Variants in LRMDA observed in about 807,000 individuals in gnomAD.
LRMDA encodes leucine rich melanocyte differentiation associated, also known as leucine-rich melanocyte differentiation-associated protein.
In LRMDA, 18 loss-of-function variants were observed where a neutral mutation model predicts 29.8. The ratio of observed to expected loss-of-function variants is 0.60; its 90% CI spans 0.42 to 0.90. The LOEUF is 0.90. Ranked by LOEUF, LRMDA falls within the 40% of genes least tolerant of loss-of-function variation. LRMDA has a pLI of 0.00. For missense variants in LRMDA, 273 were observed against 273.9 expected, an observed-to-expected ratio of 1.00 and a Z score of 0.02; for synonymous variants, 125 against 109.4, an observed-to-expected ratio of 1.14 and a Z score of -0.89.
intron 5 of LRMDA, among the ~76,000 whole-genome samples, chr10:76,187,244 A>G (rs1190217205): frequency 2.6e-5 from 4 of 152,170 alleles, no homozygotes; most frequent in Non-Finnish European, 4.4e-5. Context: ...GTCTTGTTCT[A>G]AGAAAATCAT....
intron 2 of LRMDA, among the ~76,000 whole-genome samples, chr10:75,838,434 A>C (rs888190249): frequency 6.6e-6 from 1 of 152,216 alleles, no homozygotes; most frequent in South Asian, 2.1e-4. Flanking sequence ...CAATCACTTG[A>C]AAATAAATTC....
At chr10:75,456,868 G>A (rs899833393) in intron 2 of LRMDA, among the ~76,000 whole-genome samples, 1 of 152,058 alleles carries the variant, frequency 6.6e-6, no homozygotes. Flanking sequence ...GAGAGTCAGG[G>A]TTTCACCATT....
At chr10:75,726,244 G>A (rs1354995223) in intron 2 of LRMDA, among the ~76,000 whole-genome samples, 1 of 152,166 alleles carries the variant, frequency 6.6e-6, no homozygotes, top group Admixed American at 6.5e-5. Context: ...GGAGAAGAAC[G>A]AAAGTTGCAG....
chr10:76,175,272 GA>G (rs1399368800), intron 5 of LRMDA, among the ~76,000 whole-genome samples: 1 of 152,158 alleles, frequency 6.6e-6, no homozygotes. Context: ...TCTGGATGAG[GA>G]TAGCTTGGAT....
chr10:75,773,560 T>G (rs1843271571), intron 2 of LRMDA, among the ~76,000 whole-genome samples: 1 of 152,222 alleles, frequency 6.6e-6, no homozygotes, highest in Admixed American at 6.5e-5. Context: ...GGGAGACAGA[T>G]GAATGATGAA....
chr10:75,528,960 G>T (rs746588311), intron 2 of LRMDA, among the ~76,000 whole-genome samples: 2 of 152,068 alleles, frequency 1.3e-5, no homozygotes, highest in African/African-American at 4.8e-5. Context: ...TGTACAGGAG[G>T]CAATTTTCTT....
At chr10:75,879,949 A>T (rs1255743615) in intron 2 of LRMDA, among the ~76,000 whole-genome samples, 3 of 152,180 alleles carry the variant, frequency 2.0e-5, no homozygotes, top group Admixed American at 1.3e-4. Context: ...TGGTATGATT[A>T]GCTTCTTCTA....
chr10:76,010,314 C>CT (rs71024580), intron 2 of LRMDA, among the ~76,000 whole-genome samples: 46,381 of 138,890 alleles, frequency 0.33, 8,775 homozygotes, highest in Non-Finnish European at 0.44. Context: ...AATTTATATC[C>CT]TTTTTTTTTT....
At chr10:75,803,511 AC>A (rs1843793440) in intron 2 of LRMDA, among the ~76,000 whole-genome samples, 1 of 152,178 alleles carries the variant, frequency 6.6e-6, no homozygotes, top group African/African-American at 2.4e-5. Flanking sequence ...GCCTGCATGT[AC>A]ATTCTGGCTC....
At chr10:75,541,007 G>A (rs1374468162) in intron 2 of LRMDA, among the ~76,000 whole-genome samples, 3 of 151,924 alleles carry the variant, frequency 2.0e-5, no homozygotes, top group Non-Finnish European at 4.4e-5. Context: ...AAACAGTTTT[G>A]GATCTGCTTT....
chr10:75,755,587 A>G (rs867376012), intron 2 of LRMDA, among the ~76,000 whole-genome samples: 44 of 152,262 alleles, frequency 2.9e-4, no homozygotes, highest in Non-Finnish European at 1.6e-4. Context: ...CTTGGGAATC[A>G]GGGAAGTCTC....
At chr10:76,209,437 G>C (rs552778423) in intron 5 of LRMDA, among the ~76,000 whole-genome samples, 6 of 152,156 alleles carry the variant, frequency 3.9e-5, no homozygotes, top group Non-Finnish European at 5.9e-5. Context: ...TTCGTCTTCT[G>C]TTGGGGGTGT....
At chr10:75,925,411 C>T (rs1360728273) in intron 2 of LRMDA, among the ~76,000 whole-genome samples, 3 of 152,042 alleles carry the variant, frequency 2.0e-5, no homozygotes, top group African/African-American at 2.4e-5. Context: ...AGAGTGTTAG[C>T]GTCTGGGGGG....
At chr10:75,645,253 G>T (rs767493645) in intron 2 of LRMDA, among the ~76,000 whole-genome samples, 7 of 152,206 alleles carry the variant, frequency 4.6e-5, no homozygotes, top group Non-Finnish European at 8.8e-5. Context: ...AAAGTGCTGG[G>T]ATTACAGGCG....
chr10:75,964,654 A>C (rs1424344766), intron 2 of LRMDA, among the ~76,000 whole-genome samples: 1 of 152,228 alleles, frequency 6.6e-6, no homozygotes, highest in African/African-American at 2.4e-5. Context: ...TGCACAGAGA[A>C]GGTTCTCAGT....
chr10:75,903,682 G>C (rs1400788416), intron 2 of LRMDA, among the ~76,000 whole-genome samples: 1 of 152,226 alleles, frequency 6.6e-6, no homozygotes, highest in Non-Finnish European at 1.5e-5. Context: ...ATCACTAGGA[G>C]TCCCTTTATC....
At chr10:76,408,154 G>A (rs1288111350) in intron 6 of LRMDA, among the ~76,000 whole-genome samples, 2 of 152,196 alleles carry the variant, frequency 1.3e-5, no homozygotes, top group Non-Finnish European at 2.9e-5. Context: ...GAGAGTCTGA[G>A]CTTCAGAAGG....
intron 2 of LRMDA, among the ~76,000 whole-genome samples, chr10:75,785,666 C>G (rs1843459929): frequency 6.6e-6 from 1 of 152,122 alleles, no homozygotes. Flanking sequence ...ATATTCTGCT[C>G]AAGATTAATT....
chr10:76,438,300 G>T (rs1431422524), intron 6 of LRMDA, among the ~76,000 whole-genome samples: 2 of 152,130 alleles, frequency 1.3e-5, no homozygotes, highest in Admixed American at 6.6e-5. Flanking sequence ...TGACCCCAAA[G>T]AATCCGTTAT....
Sources: allele counts gnomAD v4.1 joint callset (sites outside exome capture counted in the v4.1 genomes callset), GRCh38; gene constraint gnomAD v4.1.1; transcripts MANE v1.5; gene names NCBI Gene and HGNC (gene_info 2026-07-23, HGNC 2026-07-21).